Variants in LCLAT1 observed in about 807,000 individuals in gnomAD.
LCLAT1 encodes the protein 1-AGP acyltransferase 8.
Under a neutral mutation model 30.7 loss-of-function variants are expected in LCLAT1, and 11 were observed. The observed-to-expected ratio is 0.36, with a 90% CI of 0.23 to 0.59. The LOEUF (loss-of-function observed/expected upper bound fraction) is 0.59. LCLAT1 is among the 20% of genes least tolerant of loss of function. The pLI is 0.77. For missense variants in LCLAT1, 402 were observed against 458.6 expected (o/e 0.88, Z 1.13); for synonymous variants, 155 against 151.3 (o/e 1.02, Z -0.18).
chr2:30,565,045 G>A (rs1017956729), intron 4 of LCLAT1, among the ~76,000 whole-genome samples: 1 of 152,082 alleles, frequency 6.6e-6, no homozygotes, highest in Non-Finnish European at 1.5e-5. Context: ...AGACATATGT[G>A]CACCCATACA....
intron 5 of LCLAT1, among the ~76,000 whole-genome samples, chr2:30,599,424 G>A (rs114215774): frequency 0.015 from 2,271 of 152,308 alleles, 19 homozygotes; most frequent in Non-Finnish European, 0.021. Context: ...GCCATGTGGC[G>A]CTGAGAAGAA....
chr2:30,627,504 G>A (rs965483205), intron 5 of LCLAT1, among the ~76,000 whole-genome samples: 1 of 152,102 alleles, frequency 6.6e-6, no homozygotes, highest in Non-Finnish European at 1.5e-5. Flanking sequence ...GACTTACTAT[G>A]CCTTAAAAAT....
At chr2:30,603,129 A>T (rs555744169) in intron 5 of LCLAT1, among the ~76,000 whole-genome samples, 2 of 152,294 alleles carry the variant, frequency 1.3e-5, no homozygotes, top group East Asian at 3.9e-4. Flanking sequence ...TCAATATATA[A>T]TGCAACATAT....
intron 5 of LCLAT1, among the ~76,000 whole-genome samples, chr2:30,582,237 A>T (rs79338263): frequency 0.04 from 6,073 of 150,632 alleles, 169 homozygotes; most frequent in Middle Eastern, 0.075. Flanking sequence ...AATGGTGCTA[A>T]ATTGTTCAAT....
chr2:30,489,643 G>A (rs537313386), intron 1 of LCLAT1, among the ~76,000 whole-genome samples: 6 of 152,232 alleles, frequency 3.9e-5, no homozygotes, highest in East Asian at 1.9e-4. Context: ...TGAGCACCGC[G>A]CCCAGCCCAC....
At chr2:30,590,197 C>T (rs1034188311) in intron 5 of LCLAT1, among the ~76,000 whole-genome samples, 6 of 151,982 alleles carry the variant, frequency 3.9e-5, no homozygotes, top group Admixed American at 1.3e-4. Flanking sequence ...TTTAAATAAA[C>T]GCCTAGTGAT....
chr2:30,503,872 C>T (rs1436379555), intron 1 of LCLAT1, among the ~76,000 whole-genome samples: 1 of 152,214 alleles, frequency 6.6e-6, no homozygotes, highest in African/African-American at 2.4e-5. Flanking sequence ...GCACTGTTCT[C>T]CCTCAAGACT....
At chr2:30,493,381 A>G (rs978222005) in intron 1 of LCLAT1, among the ~76,000 whole-genome samples, 1 of 152,222 alleles carries the variant, frequency 6.6e-6, no homozygotes, top group African/African-American at 2.4e-5. Flanking sequence ...GAGAATGTAC[A>G]TAAAAAACTG....
At chr2:30,469,490 C>G (rs553442838) in intron 1 of LCLAT1, among the ~76,000 whole-genome samples, 2 of 151,312 alleles carry the variant, frequency 1.3e-5, no homozygotes, top group Non-Finnish European at 2.9e-5. Flanking sequence ...ATTGAATGGT[C>G]TTTGCACCCT....
intron 1 of LCLAT1, among the ~76,000 whole-genome samples, chr2:30,485,616 C>T (rs1683525920): frequency 6.6e-6 from 1 of 151,928 alleles, no homozygotes; most frequent in African/African-American, 2.4e-5. Context: ...ATTTTTATCT[C>T]ATAGTTGAAT....
At chr2:30,564,690 A>G (rs906067825) in intron 4 of LCLAT1, among the ~76,000 whole-genome samples, 3 of 152,168 alleles carry the variant, frequency 2.0e-5, no homozygotes, top group African/African-American at 7.2e-5. Flanking sequence ...TAGGCTAACA[A>G]AATATCTCCA....
intron 1 of LCLAT1, among the ~76,000 whole-genome samples, chr2:30,453,444 A>G (rs1414288229): frequency 1.3e-5 from 2 of 152,174 alleles, no homozygotes; most frequent in African/African-American, 2.4e-5. Context: ...TCATAATATA[A>G]ATACTGTCTT....
intron 1 of LCLAT1, among the ~76,000 whole-genome samples, chr2:30,489,587 C>T (rs965506545): frequency 6.6e-6 from 1 of 152,144 alleles, no homozygotes; most frequent in African/African-American, 2.4e-5. Context: ...CTCCTGACCT[C>T]GTGATCTGCC....
chr2:30,611,048 A>C (rs1667711438), intron 5 of LCLAT1, among the ~76,000 whole-genome samples: 1 of 148,334 alleles, frequency 6.7e-6, no homozygotes, highest in Non-Finnish European at 1.5e-5. Flanking sequence ...TTAATTTGTT[A>C]AATTCTGGCT....
chr2:30,530,085 C>T (rs1336771447), intron 2 of LCLAT1, among the ~76,000 whole-genome samples: 3 of 152,122 alleles, frequency 2.0e-5, no homozygotes, highest in Non-Finnish European at 2.9e-5. Context: ...GAAAATGCTT[C>T]CATATTTCTG....
chr2:30,536,482 T>C (rs530259242), intron 3 of LCLAT1, among the ~76,000 whole-genome samples: 1 of 152,312 alleles, frequency 6.6e-6, no homozygotes, highest in African/African-American at 2.4e-5. Flanking sequence ...TGGGATGATA[T>C]ATTCAACATG....
rs1246058844 is a variant in LCLAT1 at position 30,641,669 on chromosome 2, A to T, written c.*1050A>T. On this transcript the variant is annotated 3_prime_UTR_variant, in exon 6 of 6. Coordinates refer to ENST00000379509, the MANE Select transcript of LCLAT1 (RefSeq NM_001002257.3). Reference sequence around the variant, plus strand: ...CAAATTTTACCTTAAAACCAAAATGAAACACAAAAATTAATCCTTAATAAT... The same window carrying T: ...CAAATTTTACCTTAAAACCAAAATGTAACACAAAAATTAATCCTTAATAAT... 6.6e-6 allele frequency: 1 copy of T among 152,228 alleles called. No homozygotes were observed. The highest frequency in any genetic ancestry group is 1.9e-4 in the East Asian group (1 of 5,188). The allele number at this position is 152,228 out of a possible 1,614,324, so 9.4% of individuals were successfully genotyped here. A position where few individuals can be genotyped will look rare whatever the true frequency, so the allele number is the denominator to read the frequency against.
chr2:30,501,076 CTGTGTGTGTG>C (rs1553362946), intron 1 of LCLAT1, among the ~76,000 whole-genome samples: 39,685 of 146,400 alleles, frequency 0.27, 6,312 homozygotes, highest in African/African-American at 0.45. Flanking sequence ...TTGTTTTGTT[CTGTGTGTGTG>C]TGTGTGTGTG....
At chr2:30,555,504 G>T (rs79926244) in intron 3 of LCLAT1, among the ~76,000 whole-genome samples, 2,403 of 152,150 alleles carry the variant, frequency 0.016, 74 homozygotes, top group African/African-American at 0.053. Flanking sequence ...AATTGCTGTT[G>T]CAGTAAAATA....
Sources: allele counts gnomAD v4.1 joint callset (sites outside exome capture counted in the v4.1 genomes callset), GRCh38; gene constraint gnomAD v4.1.1; transcripts MANE v1.5; gene names NCBI Gene and HGNC (gene_info 2026-07-23, HGNC 2026-07-21).